Variants in MED15 observed in about 807,000 individuals in gnomAD.
MED15 encodes mediator complex subunit 15, also known as mediator of RNA polymerase II transcription subunit 15.
In MED15, 41 loss-of-function variants were observed where a neutral mutation model predicts 118.7. The ratio of observed to expected loss-of-function variants is 0.35; its 90% confidence interval spans 0.27 to 0.45. The LOEUF (loss-of-function observed/expected upper bound fraction) is 0.45, where lower values mean the gene tolerates loss of function less well. Ranked by LOEUF, MED15 falls within the 20% of genes least tolerant of loss-of-function variation. The probability of loss-of-function intolerance (pLI) is 1.00; values close to 1 mark genes in which losing one functional copy is unlikely to be tolerated. For missense variants in MED15, 740 were observed against 1,025.5 expected (o/e 0.72, Z 3.80); for synonymous variants, 436 against 413.9 (o/e 1.05, Z -0.65).
intron 9 of MED15, among the ~76,000 whole-genome samples, chr22:20,581,584 G>A (rs1045781418): frequency 4.6e-5 from 7 of 152,154 alleles, no homozygotes; most frequent in Non-Finnish European, 8.8e-5. Flanking sequence ...ATGTAGCAGG[G>A]CCTTCAGGGT....
intron 14 of MED15, 199 bp downstream of exon 14, chr22:20,584,624 C>A: frequency 1.2e-6 from 1 of 806,036 alleles, no homozygotes; most frequent in Non-Finnish European, 1.9e-6. Context: ...CTACGGCCCC[C>A]GTGGGTGCCT....
intron 2 of MED15, among the ~76,000 whole-genome samples, chr22:20,543,210 T>C (rs2055386354): frequency 1.0e-5 from 1 of 95,280 alleles, no homozygotes; most frequent in African/African-American, 3.2e-5. Context: ...TGCTTTTTTT[T>C]TTTTTTTTTT....
chr22:20,568,773 T>A, intron 8 of MED15, 142 bp downstream of exon 8: 3 of 1,368,214 alleles, frequency 2.2e-6, no homozygotes, highest in South Asian at 1.4e-5. Context: ...CCCCTTGCAC[T>A]CTGCAAGACA....
rs2055855731 is a variant in MED15, at chr22:20,553,179, G to C, written c.238+5G>C. 6.2e-7 allele frequency: 1 copy of C among 1,612,234 alleles called. No individual in the cohort carries two copies. Among genetic ancestry groups the C allele is most frequent in the Non-Finnish European group, 8.5e-7 (1 of 1,178,716 alleles). The stretch of plus-strand genomic sequence containing the variant: ...AATCTCAAGCTTCCGTCAGTGGTAA[G>C]AGTTTTCCCTTTTGAGTTAAAGTTT... On this transcript the variant is annotated splice_donor_5th_base_variant and intron_variant, in intron 4 of 17. Coordinates refer to ENST00000263205, the MANE Select transcript of MED15 (RefSeq NM_001003891.3).
At chr22:20,567,055 G>A (rs570180589) in intron 7 of MED15, among the ~76,000 whole-genome samples, 3 of 152,276 alleles carry the variant, frequency 2.0e-5, no homozygotes, top group East Asian at 1.9e-4. Context: ...TGCTGCTACT[G>A]GGGCACCAAG....
chr22:20,571,815 G>A (rs769086335), intron 8 of MED15, among the ~76,000 whole-genome samples: 2 of 152,224 alleles, frequency 1.3e-5, no homozygotes, highest in Non-Finnish European at 2.9e-5. Context: ...AAAAGTATGT[G>A]TGGTAACTGT....
At chr22:20,566,856 G>T in intron 7 of MED15, 39 bp downstream of exon 7, 1 of 1,600,530 alleles carries the variant, frequency 6.2e-7, no homozygotes, top group Non-Finnish European at 8.5e-7. Context: ...CATGCAGCCC[G>T]TGGCTCTGTC....
intron 1 of MED15, chr22:20,523,558 C>G (rs1014104342): frequency 1.6e-5 from 11 of 681,590 alleles, no homozygotes. Context: ...GTGCAGATCT[C>G]TAAAAGATCG....
At chr22:20,537,092 C>T (rs767766150) in intron 1 of MED15, 25 bp from the exon 2 acceptor site, 7 of 1,607,872 alleles carry the variant, frequency 4.4e-6, no homozygotes, top group Middle Eastern at 1.7e-4. Flanking sequence ...TGTGTGCAAA[C>T]GTCTCTTCTC....
intron 9 of MED15, among the ~76,000 whole-genome samples, chr22:20,577,331 C>G (rs2056851621): frequency 6.6e-6 from 1 of 152,142 alleles, no homozygotes; most frequent in Admixed American, 6.6e-5. Flanking sequence ...TGCCCATACT[C>G]TGTTGTGGGC....
chr22:20,523,478 TC>T (rs2054531437), intron 1 of MED15, among the ~76,000 whole-genome samples: 1 of 152,248 alleles, frequency 6.6e-6, no homozygotes, highest in East Asian at 1.9e-4. Context: ...CACCCACCCT[TC>T]CTCATCACCT....
Position 20,585,244 on chromosome 22 carries a change from C to T in MED15, c.2108C>T (p.Thr703Ile). 1 of 1,613,590 alleles carries T rather than the reference C, an allele frequency of 6.2e-7. No individual in the cohort carries two copies. The highest frequency in any genetic ancestry group is 8.5e-7 in the Non-Finnish European group (1 of 1,179,928). ...CCTTCTCACTGCAGCAACAATGGCA[C>T]TGTCCACCTGATCTGCAAGCTGGGT... ...LDPSHCSNNG[T>I]VHLICKLDDK... Residue 703 changes from threonine to isoleucine, a missense_variant, in exon 16 of 18, where the codon ACT (threonine) becomes ATT (isoleucine). Thr to Ile is a moderately conservative substitution (Grantham distance 89). Around this residue, in one of 7 missense-constraint regions of MED15, gnomAD observed 179 missense variants for 259.0 expected, o/e 0.69. Transcript: ENST00000263205.
intron 9 of MED15, among the ~76,000 whole-genome samples, chr22:20,580,932 C>A (rs912921723): frequency 2.6e-5 from 4 of 152,196 alleles, no homozygotes; most frequent in African/African-American, 9.7e-5. Flanking sequence ...GTGATGAGGC[C>A]CGGCAGGCCG....
chr22:20,587,602 A>G lies in MED15; in HGVS notation c.*898A>G, dbSNP rs2057172602. ...ACCCCACCATCTGTGATTATAATAAATTTATTATTCCTGTGTTTGTCAGTT... is the reference window on the plus strand; with the variant it reads ...ACCCCACCATCTGTGATTATAATAAGTTTATTATTCCTGTGTTTGTCAGTT... On this transcript the variant is annotated 3_prime_UTR_variant, in exon 18 of 18. Transcript: ENST00000263205. 2 of 502,948 alleles carry G rather than the reference A, an allele frequency of 4.0e-6. No homozygotes were observed. The highest frequency in any genetic ancestry group is 3.8e-5 in the Admixed American group (1 of 26,520). 31.2% of individuals were successfully genotyped at this position (502,948 alleles called of 1,614,324 possible).
chr22:20,526,053 G>C (rs1032514544), intron 1 of MED15, among the ~76,000 whole-genome samples: 1 of 151,620 alleles, frequency 6.6e-6, no homozygotes, highest in African/African-American at 2.4e-5. Flanking sequence ...CCGAGTTTCT[G>C]GGACTACAGG....
rs1346621108 is a variant in MED15 at position 20,564,471 on chromosome 22, T to C, written c.473T>C (p.Val158Ala). The change falls in exon 6 of 18, where the codon GTG (valine) becomes GCG (alanine). Residue 158 changes from valine (V) to alanine (A), a missense_variant. Coordinates refer to ENST00000263205, the MANE Select transcript of MED15 (RefSeq NM_001003891.3). ...TCAGCCCAGCTGCAGCTCCAGCAGG[T>C]GGCGCTGCAGCAGCAGCAGCAACAG... ...TPQTQLQLQQVALQQQQQQQQ... is the reference protein window; with the variant it reads ...TPQTQLQLQQAALQQQQQQQQ... 1 of 1,612,968 alleles carries C rather than the reference T, an allele frequency of 6.2e-7. No individual in the cohort carries two copies. Among genetic ancestry groups the C allele is most frequent in the Non-Finnish European group, 8.5e-7 (1 of 1,179,714 alleles).
intron 2 of MED15, among the ~76,000 whole-genome samples, chr22:20,540,206 G>A (rs184494209): frequency 6.6e-6 from 1 of 152,060 alleles, no homozygotes; most frequent in African/African-American, 2.4e-5. Context: ...CCTGGAGGAC[G>A]TGGAAAGCCA....
rs552928825 is a variant in MED15 at position 20,551,193 on chromosome 22, G to A, written c.157-243G>A. The A allele has an allele frequency of 4.9e-4, 326 of 659,902 alleles. 5 individuals carry two copies. The Middle Eastern group carries it at 0.014, about 29-fold the overall frequency. 40.9% of individuals were successfully genotyped at this position (659,902 alleles called of 1,614,324 possible). A position where few individuals can be genotyped will look rare whatever the true frequency, so the allele number is the denominator to read the frequency against. Reference sequence around the variant, plus strand: ...CTGAGTGCCTTTCCATCAGGGGAGAGGAGTGGCCGTTGGAGGCTCTCTGTC... The same window carrying A: ...CTGAGTGCCTTTCCATCAGGGGAGAAGAGTGGCCGTTGGAGGCTCTCTGTC... On this transcript the variant is annotated intron_variant, in intron 2 of 17. Transcript: ENST00000263205.
intron 1 of MED15, among the ~76,000 whole-genome samples, chr22:20,521,328 CT>C (rs2054447542): frequency 6.6e-6 from 1 of 151,630 alleles, no homozygotes; most frequent in African/African-American, 2.4e-5. Flanking sequence ...AACTCCTGAC[CT>C]CAGGGGATCC....
Sources: allele counts gnomAD v4.1 joint callset (sites outside exome capture counted in the v4.1 genomes callset), GRCh38; gene constraint gnomAD v4.1.1; regional missense constraint gnomAD v4.1.1; transcripts MANE v1.5; gene names NCBI Gene and HGNC (gene_info 2026-07-23, HGNC 2026-07-21).